DCAF1: variants seen among roughly 807,000 people sequenced by gnomAD.
DCAF1 encodes DDB1- and CUL4-associated factor 1.
DCAF1 carries 15 observed loss-of-function variants against 128.0 expected under a neutral mutation model. That is an observed-to-expected ratio of 0.12 (90% CI 0.08 to 0.18). The LOEUF is 0.18. Ranked by LOEUF, DCAF1 falls within the 10% of genes least tolerant of loss-of-function variation. The probability of loss-of-function intolerance (pLI) is 1.00; values close to 1 mark genes in which losing one functional copy is unlikely to be tolerated. For missense variants in DCAF1, 988 were observed against 1,649.5 expected (o/e 0.60, Z 6.95); for synonymous variants, 610 against 603.0 (o/e 1.01, Z -0.17).
Position 51,419,851 on chromosome 3 carries a change from G to A in DCAF1, c.3119C>T (p.Pro1040Leu). The A allele has an allele frequency of 6.2e-7, 1 of 1,614,034 alleles. No individual in the cohort carries two copies. The highest frequency in any genetic ancestry group is 8.5e-7 in the Non-Finnish European group (1 of 1,179,896). The change falls in exon 15 of 25, where the codon CCA (proline) becomes CTA (leucine). Residue 1040 changes from proline (P) to leucine (L), a missense_variant. Around this residue, in one of 11 missense-constraint regions of DCAF1, gnomAD observed 105 missense variants for 266.7 expected, o/e 0.39. Transcript: ENST00000684031. Reference protein sequence around the residue: ...SLFTPHQCPEPKQRRQAPINF... With the variant: ...SLFTPHQCPELKQRRQAPINF... ...TATTGGCGCTTGCCGCCTCTGTTTT[G>A]GCTCAGGACATTGGTGAGGAGTAAA...
At position 51,493,825 on chromosome 3, in the gene DCAF1, C is replaced by T. The variant is rs962277399; in HGVS notation, c.-9+2909G>A. Among the ~76,000 whole-genome samples the T allele has an allele frequency of 6.6e-5, 10 of 151,876 alleles. No homozygotes were observed. The South Asian group carries it at 1.2e-3, about 19-fold the overall frequency. On this transcript the variant is annotated intron_variant, in intron 2 of 24. Coordinates refer to ENST00000684031, the MANE Select transcript of DCAF1 (RefSeq NM_001387579.1). ...AGCCTGGCCAACATGGTGAAACCCCCGTCTCTACTGAAAGTACAAAAATTA... is the reference window on the plus strand; with the variant it reads ...AGCCTGGCCAACATGGTGAAACCCCTGTCTCTACTGAAAGTACAAAAATTA...
Position 51,429,357 on chromosome 3 carries a change from G to A in DCAF1, c.1581C>T (p.Tyr527=). 2 of 780,850 alleles carry A rather than the reference G, an allele frequency of 2.6e-6. No individual in the cohort carries two copies. The highest frequency in any genetic ancestry group is 4.8e-6 in the Non-Finnish European group (2 of 417,978). The allele number at this position is 780,850 out of a possible 1,614,324, so 48.4% of individuals were successfully genotyped here. The change falls in exon 12 of 25, where the codon TAC becomes TAT. Residue 527 remains tyrosine (Y), a synonymous_variant. Transcript: ENST00000684031. ...ATTTAATGGCCAGGTGAGCCTCAAA[G>A]TATTTGCGCAAGGCCATGCAGGTAT... ...GKHTCMALRK[Y]FEAHLAIKLE...
chr3:51,429,967 G>A (rs975223124), intron 11 of DCAF1, 66 bp downstream of exon 11: 59 of 750,214 alleles, frequency 7.9e-5, no homozygotes, highest in Middle Eastern at 7.4e-4. Flanking sequence ...AGGGTGTGCC[G>A]TTAAAGGGCA....
intron 17 of DCAF1, among the ~76,000 whole-genome samples, chr3:51,417,660 C>A (rs1383087898): frequency 6.6e-6 from 1 of 151,574 alleles, no homozygotes; most frequent in Non-Finnish European, 1.5e-5. Context: ...GCGGAGCTTG[C>A]AGTAGGCTGA....
chr3:51,396,149 G>A (rs868961411), downstream of DCAF1: 1 of 397,056 alleles, frequency 2.5e-6, no homozygotes, highest in Non-Finnish European at 4.6e-6. Context: ...CTTCCTTCAT[G>A]AAGCAGGTGC....
intron 11 of DCAF1, among the ~76,000 whole-genome samples, 163 bp from the exon 12 acceptor site, chr3:51,429,633 T>A (rs1700199334): frequency 1.3e-5 from 2 of 152,176 alleles, no homozygotes; most frequent in Admixed American, 6.6e-5. Context: ...CTGACAAATA[T>A]CAACGCATAT....
At chr3:51,415,853 G>T (rs554246398) in intron 18 of DCAF1, among the ~76,000 whole-genome samples, 1 of 152,104 alleles carries the variant, frequency 6.6e-6, no homozygotes, top group Admixed American at 6.5e-5. Flanking sequence ...CAAAGTGCTG[G>T]GATTACAGGC....
intron 13 of DCAF1, among the ~76,000 whole-genome samples, chr3:51,426,736 T>C (rs1433646329): frequency 6.6e-6 from 1 of 152,222 alleles, no homozygotes; most frequent in African/African-American, 2.4e-5. Flanking sequence ...CCCTCTCTTA[T>C]CTTTATGGCA....
intron 6 of DCAF1, among the ~76,000 whole-genome samples, chr3:51,452,442 A>G (rs1306715796): frequency 2.0e-5 from 3 of 152,210 alleles, no homozygotes; most frequent in Non-Finnish European, 4.4e-5. Context: ...ACACAATATG[A>G]AAAAGGCTTG....
At chr3:51,430,352 G>C in intron 10 of DCAF1, 140 bp from the exon 11 acceptor site, 1 of 552,900 alleles carries the variant, frequency 1.8e-6, no homozygotes, top group Non-Finnish European at 3.3e-6. Flanking sequence ...ACAAAGTTTA[G>C]GTAATAATAC....
intron 5 of DCAF1, among the ~76,000 whole-genome samples, chr3:51,464,250 A>G (rs1703904079): frequency 2.7e-5 from 1 of 37,696 alleles, no homozygotes. Context: ...CAAATTTTAT[A>G]ATAAATTATA....
At chr3:51,496,477 TTAAG>T (rs1191263300) in intron 2 of DCAF1, among the ~76,000 whole-genome samples, 1 of 151,904 alleles carries the variant, frequency 6.6e-6, no homozygotes, top group Non-Finnish European at 1.5e-5. Context: ...ACTCAAGTTC[TTAAG>T]TGAGTTCCTT....
At chr3:51,427,627 G>T (rs574797954) in intron 12 of DCAF1, 86 bp from the exon 13 acceptor site, 3 of 445,758 alleles carry the variant, frequency 6.7e-6, no homozygotes, top group Admixed American at 4.2e-5. Flanking sequence ...CTGGCCAAGA[G>T]ATTTTATTTT....
chr3:51,470,464 G>A (rs1704612249), intron 4 of DCAF1, among the ~76,000 whole-genome samples: 1 of 152,094 alleles, frequency 6.6e-6, no homozygotes, highest in Admixed American at 6.6e-5. Context: ...CTACTCAAGA[G>A]GCTGAGGTGG....
At position 51,398,835 on chromosome 3, in the gene DCAF1, G is replaced by A. The variant is rs781942103; in HGVS notation, c.4466-8C>T. On this transcript the variant is annotated splice_region_variant and splice_polypyrimidine_tract_variant and intron_variant, in intron 24 of 24. Transcript: ENST00000684031. ...AGTTGTCAGAGCTGTCAGCTGAAAG[G>A]GAAGAAAAGGGAGAGACAAGATTAC... 6.3e-7 allele frequency: 1 copy of A among 1,578,134 alleles called. No individual in the cohort carries two copies. The highest frequency in any genetic ancestry group is 8.6e-7 in the Non-Finnish European group (1 of 1,161,144).
chr3:51,490,567 G>A (rs1577325362), intron 2 of DCAF1, among the ~76,000 whole-genome samples: 1 of 152,142 alleles, frequency 6.6e-6, no homozygotes, highest in East Asian at 1.9e-4. Flanking sequence ...GGATTAGAAG[G>A]GTTAGTATCA....
intron 19 of DCAF1, 109 bp from the exon 20 acceptor site, chr3:51,414,152 T>C (rs181677024): frequency 7.3e-7 from 1 of 1,368,234 alleles, no homozygotes; most frequent in East Asian, 2.7e-5. Flanking sequence ...ATTGATACTT[T>C]AAAAGTCAAT....
At chr3:51,474,921 G>A (rs1705248379) in intron 3 of DCAF1, among the ~76,000 whole-genome samples, 1 of 151,492 alleles carries the variant, frequency 6.6e-6, no homozygotes, top group Admixed American at 6.6e-5. Context: ...AGTAGCTGGG[G>A]TTACAGGTAC....
chr3:51,456,002 C>A (rs1314757742), intron 6 of DCAF1, among the ~76,000 whole-genome samples: 2 of 152,210 alleles, frequency 1.3e-5, no homozygotes, highest in African/African-American at 4.8e-5. Flanking sequence ...CGGGTGATTT[C>A]TGCATTTCCA....
Sources: allele counts gnomAD v4.1 joint callset (sites outside exome capture counted in the v4.1 genomes callset), GRCh38; gene constraint gnomAD v4.1.1; regional missense constraint gnomAD v4.1.1; transcripts MANE v1.5; gene names NCBI Gene and HGNC (gene_info 2026-07-23, HGNC 2026-07-21).